The following ZNF440 variants were observed in gnomAD, a reference collection of about 807,000 sequenced individuals.
The protein encoded by ZNF440 is zinc finger protein 440.
In ZNF440, 47 loss-of-function variants were observed where a neutral mutation model predicts 49.7. The observed-to-expected ratio is 0.95, with a 90% CI of 0.75 to 1.21. The LOEUF is 1.21. Among genes scored for constraint, ZNF440 ranks in the 50% most tolerant of loss-of-function variants. ZNF440 has a pLI of 0.00. For synonymous variants in ZNF440, 255 were observed against 237.7 expected, an observed-to-expected ratio of 1.07 and a Z score of -0.67; for missense variants, 703 against 715.0, an observed-to-expected ratio of 0.98 and a Z score of 0.19.
chr19:11,829,938 C>G (rs932485313), intron 1 of ZNF440: 1 of 218,708 alleles, frequency 4.6e-6, no homozygotes, highest in Non-Finnish European at 8.8e-6. Context: ...GCCTGACCAA[C>G]GTGGAGAGAC....
At chr19:11,823,512 A>G (rs1975824080) in intron 1 of ZNF440, among the ~76,000 whole-genome samples, 1 of 152,152 alleles carries the variant, frequency 6.6e-6, no homozygotes, top group Non-Finnish European at 1.5e-5. Flanking sequence ...TATTTCAGAA[A>G]CGTTACATCA....
In ZNF440 at chr19:11,834,547, T is replaced by A. The variant is rs1975995048; in HGVS notation, c.*1583T>A. On this transcript the variant is annotated 3_prime_UTR_variant, in exon 4 of 4. Coordinates refer to ENST00000304060, the MANE Select transcript of ZNF440 (RefSeq NM_152357.3). ...TCAGCAAGGGTGTAATATACCATAGTGATAAATATGACCAAAAGCCATAAA... is the reference window on the plus strand; with the variant it reads ...TCAGCAAGGGTGTAATATACCATAGAGATAAATATGACCAAAAGCCATAAA... 1 of 152,232 alleles carries A rather than the reference T, an allele frequency of 6.6e-6. No homozygotes were observed. The highest frequency in any genetic ancestry group is 2.4e-5 in the African/African-American group (1 of 41,452). The allele number at this position is 152,232 out of a possible 1,614,324, so 9.4% of individuals were successfully genotyped here.
At position 11,832,743 on chromosome 19, in the gene ZNF440, C is replaced by G; in HGVS notation, c.1567C>G (p.Pro523Ala). ...SPINASNVGK[P>A]SELCQSFECM... Reference sequence around the variant, plus strand: ...TATAAATGCGAGCAATGTGGGAAAGCCTTCAGAGCTGTGTCAATCCTTTGA... The same window carrying G: ...TATAAATGCGAGCAATGTGGGAAAGGCTTCAGAGCTGTGTCAATCCTTTGA... Residue 523 changes from proline to alanine, a missense_variant, in exon 4 of 4, where the codon CCT (proline) becomes GCT (alanine). By Grantham distance (27) the Pro-to-Ala change is conservative. Transcript: ENST00000304060. The G allele has an allele frequency of 6.2e-7, 1 of 1,613,328 alleles. No individual in the cohort carries two copies. The highest frequency in any genetic ancestry group is 8.5e-7 in the Non-Finnish European group (1 of 1,179,780).
rs932194474 is a variant in ZNF440 at position 11,830,742 on chromosome 19, A to G, written c.191+65A>G. 1.5e-5 allele frequency: 23 copies of G among 1,529,136 alleles called. No homozygotes were observed. In the African/African-American group the frequency reaches 3.1e-4, roughly 20 times the overall value. 94.7% of individuals were successfully genotyped at this position (1,529,136 alleles called of 1,614,324 possible). On this transcript the variant is annotated intron_variant, in intron 3 of 3. Transcript: ENST00000304060. ...CAATCTTAGAATATGACAATATATT[A>G]AAAATAAGTAAAACAAAGAACTAAG...
chr19:11,829,682 A>T lies in ZNF440; in HGVS notation c.4-601A>T, dbSNP rs193059305. Reference sequence around the variant, plus strand: ...GTTCTAGCATCACAATTGCTTTATGAACTAGCCAGGTGTGGTGGCACATGC... The same window carrying T: ...GTTCTAGCATCACAATTGCTTTATGTACTAGCCAGGTGTGGTGGCACATGC... On this transcript the variant is annotated intron_variant, in intron 1 of 3. Coordinates refer to ENST00000304060, the MANE Select transcript of ZNF440 (RefSeq NM_152357.3). Among the ~76,000 whole-genome samples the T allele has an allele frequency of 3.9e-5, 6 of 152,218 alleles. No homozygotes were observed. The East Asian group carries it at 1.2e-3, about 29-fold the overall frequency.
chr19:11,831,433 C>T lies in ZNF440; in HGVS notation c.257C>T (p.Pro86Leu). The change falls in exon 4 of 4, where the codon CCA (proline) becomes CTA (leucine). Residue 86 changes from proline (P) to leucine (L), a missense_variant. Transcript: ENST00000304060. ...AGTCATTGTGGAGAAACTTTTACCC[C>T]AGTTCCAGATGACAGACTGAACTTC... ...DDSHCGETFT[P>L]VPDDRLNFQE... 1 of 1,613,664 alleles carries T rather than the reference C, an allele frequency of 6.2e-7. No homozygotes were observed.
At chr19:11,823,083 G>T (rs1449982257) in intron 1 of ZNF440, among the ~76,000 whole-genome samples, 2 of 152,082 alleles carry the variant, frequency 1.3e-5, no homozygotes, top group East Asian at 1.9e-4. Flanking sequence ...TGAAGTCCAT[G>T]TTCAGGGAGC....
intron 1 of ZNF440, among the ~76,000 whole-genome samples, chr19:11,818,136 T>C (rs982599462): frequency 6.6e-6 from 1 of 151,636 alleles, no homozygotes; most frequent in African/African-American, 2.4e-5. Flanking sequence ...ACTTGGGAGG[T>C]GGAGGTGCAG....
chr19:11,826,719 A>G (rs1040703521), intron 1 of ZNF440, among the ~76,000 whole-genome samples: 3 of 150,008 alleles, frequency 2.0e-5, no homozygotes, highest in African/African-American at 2.5e-5. Context: ...ACCGGAGTAC[A>G]ATGGTGCGAT....
At chr19:11,815,284 T>TCACACACA (rs3223082) in intron 1 of ZNF440, among the ~76,000 whole-genome samples, 17,603 of 120,842 alleles carry the variant, frequency 0.15, 1,392 homozygotes, top group African/African-American at 0.17. Flanking sequence ...GGCAACTCCG[T>TCACACACA]CACACACACA....
intron 1 of ZNF440, chr19:11,829,998 T>A (rs1975913752): frequency 2.2e-6 from 1 of 452,670 alleles, no homozygotes; most frequent in Non-Finnish European, 3.7e-6. Flanking sequence ...GGCATATGCC[T>A]GTAATCTTAG....
rs369781774 is a variant in ZNF440, at chr19:11,819,012, C to A, written c.3+4562C>A. On this transcript the variant is annotated intron_variant, in intron 1 of 3. Coordinates refer to ENST00000304060, the MANE Select transcript of ZNF440 (RefSeq NM_152357.3). ...AGGGAAGTTAGTCTACTACAGAGAT[C>A]AGTAGTGAAGAGAGGCCCTGTGGGA... Among the ~76,000 whole-genome samples the A allele has an allele frequency of 2.0e-5, 3 of 152,144 alleles. No individual in the cohort carries two copies. The East Asian group carries it at 5.8e-4, about 29-fold the overall frequency.
intron 1 of ZNF440, among the ~76,000 whole-genome samples, chr19:11,814,833 C>T (rs987771333): frequency 3.9e-5 from 6 of 152,224 alleles, no homozygotes; most frequent in Admixed American, 2.6e-4. Context: ...CACAAGGGTG[C>T]AGCTTGCGCC....
intron 1 of ZNF440, among the ~76,000 whole-genome samples, chr19:11,818,518 G>A (rs144195312): frequency 0.036 from 5,405 of 152,160 alleles, 144 homozygotes; most frequent in Non-Finnish European, 0.052. Flanking sequence ...ATTTTCCATA[G>A]AAGGCTGATG....
At chr19:11,823,233 T>A (rs919126285) in intron 1 of ZNF440, among the ~76,000 whole-genome samples, 5 of 152,136 alleles carry the variant, frequency 3.3e-5, no homozygotes, top group Admixed American at 6.6e-5. Flanking sequence ...TCAGAAAGGA[T>A]CGACTCTTAT....
intron 1 of ZNF440, among the ~76,000 whole-genome samples, chr19:11,825,210 A>G (rs1218055735): frequency 6.6e-6 from 1 of 152,214 alleles, no homozygotes; most frequent in East Asian, 1.9e-4. Flanking sequence ...TTTGAAACCA[A>G]AGAAACCATA....
Position 11,832,050 on chromosome 19 carries a change from G to A in ZNF440, c.874G>A (p.Ala292Thr). ...KAYQCKECGK[A>T]FTCPRYVRIH... is the part of the protein sequence containing the mutation. ...TTATCAATGTAAGGAATGTGGAAAA[G>A]CATTCACGTGTCCCCGTTATGTTCG... The change falls in exon 4 of 4, where the codon GCA (alanine) becomes ACA (threonine). Residue 292 changes from alanine (A) to threonine (T), a missense_variant. Physicochemically the swap from Ala to Thr is moderately conservative, Grantham distance 58. Coordinates refer to ENST00000304060, the MANE Select transcript of ZNF440 (RefSeq NM_152357.3). 2.5e-6 allele frequency: 4 copies of A among 1,614,098 alleles called. No individual in the cohort carries two copies. The highest frequency in any genetic ancestry group is 3.4e-6 in the Non-Finnish European group (4 of 1,180,018).
At chr19:11,820,077 G>C (rs1056812524) in intron 1 of ZNF440, among the ~76,000 whole-genome samples, 4 of 152,136 alleles carry the variant, frequency 2.6e-5, no homozygotes, top group Non-Finnish European at 4.4e-5. Context: ...ATAACCACTA[G>C]ACATTTTCCC....
At position 11,835,216 on chromosome 19, in the gene ZNF440, A is replaced by G. The variant is rs1015912617; in HGVS notation, c.*2252A>G. The G allele has an allele frequency of 6.6e-6, 1 of 152,026 alleles. No individual in the cohort carries two copies. Among genetic ancestry groups the G allele is most frequent in the African/African-American group, 2.4e-5 (1 of 41,342 alleles). 9.4% of individuals were successfully genotyped at this position (152,026 alleles called of 1,614,324 possible). A position where few individuals can be genotyped will look rare whatever the true frequency, so the allele number is the denominator to read the frequency against. On this transcript the variant is annotated 3_prime_UTR_variant, in exon 4 of 4. Transcript: ENST00000304060. ...CAGTCTCTACTAAAAAATACAAAAA[A>G]TTAGTGAGGCGTGGTCTCAGGCTCC...
Sources: allele counts gnomAD v4.1 joint callset (sites outside exome capture counted in the v4.1 genomes callset), GRCh38; gene constraint gnomAD v4.1.1; transcripts MANE v1.5; gene names NCBI Gene and HGNC (gene_info 2026-07-23, HGNC 2026-07-21).